MIA2: variants seen among roughly 807,000 people sequenced by gnomAD.
The protein encoded by MIA2 is melanoma inhibitory activity protein 2.
Under a neutral mutation model 167.8 loss-of-function variants are expected in MIA2, and 127 were observed. The ratio of observed to expected loss-of-function variants is 0.76; its 90% CI spans 0.66 to 0.88. The LOEUF is 0.88. MIA2 is among the 40% of genes least tolerant of loss of function. The pLI, the probability that MIA2 is intolerant of heterozygous loss-of-function variation, is 0.00. For synonymous variants in MIA2, 552 were observed against 541.9 expected (o/e 1.02, Z -0.26); for missense variants, 1,690 against 1,624.7 (o/e 1.04, Z -0.69).
At position 39,283,582 on chromosome 14, in the gene MIA2, G is replaced by T. The variant is rs567472499; in HGVS notation, c.2130+4045G>T. Among the ~76,000 whole-genome samples the T allele has an allele frequency of 2.5e-4, 38 of 152,272 alleles. No homozygotes were observed. The South Asian group carries it at 7.7e-3, about 31-fold the overall frequency. ...AACTTTTAAGTTCAGGGGTACAAGTGCACATTTGTTACATAGGTAAACTTG... is the reference window on the plus strand; with the variant it reads ...AACTTTTAAGTTCAGGGGTACAAGTTCACATTTGTTACATAGGTAAACTTG... On this transcript the variant is annotated intron_variant, in intron 9 of 28. Transcript: ENST00000640607.
Position 39,299,944 on chromosome 14 carries a change from A to G in MIA2, c.2577A>G (p.Val859=). The G allele has an allele frequency of 1.9e-6, 3 of 1,609,122 alleles. No individual in the cohort carries two copies. In the South Asian group the frequency reaches 3.3e-5, roughly 18 times the overall value. The part of the protein sequence containing the change: ...KQKVTFEDSK[V]HAEQVLNDKE... ...AAGTAACATTTGAAGACTCCAAAGT[A>G]CATGCAGAACAAGTTCTAAATGATA... is the stretch of plus-strand genomic sequence containing the variant. The change falls in exon 14 of 29, where the codon GTA becomes GTG. Residue 859 remains valine, a synonymous_variant. Transcript: ENST00000640607.
rs2058084158 is a variant in MIA2, at chr14:39,276,926, T to C, written c.1888-8T>C. The C allele has an allele frequency of 1.9e-6, 3 of 1,606,354 alleles. No homozygotes were observed. Among genetic ancestry groups the C allele is most frequent in the East Asian group, 4.5e-5 (2 of 44,842 alleles). Reference sequence around the variant, plus strand: ...ATTTTTAAGAACTTACTTTTCTTTATCTTGAAGGTTGTGGCAGCACTGCCT... The same window carrying C: ...ATTTTTAAGAACTTACTTTTCTTTACCTTGAAGGTTGTGGCAGCACTGCCT... On this transcript the variant is annotated splice_polypyrimidine_tract_variant and splice_region_variant and intron_variant, in intron 6 of 28. Coordinates refer to ENST00000640607, the MANE Select transcript of MIA2 (RefSeq NM_001329214.4).
At position 39,291,053 on chromosome 14, in the gene MIA2, A is replaced by T; in HGVS notation, c.2165A>T (p.Asp722Val). The change falls in exon 10 of 29, where the codon GAT (aspartate) becomes GTT (valine). Residue 722 changes from aspartate (D) to valine (V), a missense_variant. By Grantham distance (152) the Asp-to-Val change is radical. Transcript: ENST00000640607. ...EGYEVESSLK[D>V]ASFEKEATEA... ...TATGAAGTAGAGTCATCTTTAAAGG[A>T]TGCCAGCTTTGAGAAGGAGGCAACA... 1 of 1,608,176 alleles carries T rather than the reference A, an allele frequency of 6.2e-7. No homozygotes were observed. The highest frequency in any genetic ancestry group is 8.5e-7 in the Non-Finnish European group (1 of 1,178,020).
chr14:39,324,613 TA>T (rs1347834661), intron 24 of MIA2, among the ~76,000 whole-genome samples: 1 of 151,656 alleles, frequency 6.6e-6, no homozygotes, highest in Non-Finnish European at 1.5e-5. Context: ...CTTTTTTTTT[TA>T]TTTTTTTTTT....
At chr14:39,267,653 C>A in intron 6 of MIA2, 1 of 1,075,522 alleles carries the variant, frequency 9.3e-7, no homozygotes, top group South Asian at 1.5e-5. Context: ...TCGTCTGCTG[C>A]CCGGCTCCCG....
At chr14:39,260,719 T>A (rs574540950) in intron 6 of MIA2, among the ~76,000 whole-genome samples, 1 of 152,174 alleles carries the variant, frequency 6.6e-6, no homozygotes, top group Non-Finnish European at 1.5e-5. Flanking sequence ...TAATTAGATC[T>A]CATTTGTCAA....
rs1282457555 is a variant in MIA2, at chr14:39,308,477, A to G, written c.2907A>G (p.Gln969=). ...TEHIKNLQTE[Q]ASLQSENTHF... ...ATATTAAAAATCTTCAGACTGAACA[A>G]GCATCTTTGCAGTCAGAAAACACAC... Residue 969 remains glutamine (Q), a synonymous_variant, in exon 18 of 29, where the codon CAA becomes CAG. Coordinates refer to ENST00000640607, the MANE Select transcript of MIA2 (RefSeq NM_001329214.4). The G allele has an allele frequency of 1.3e-6, 2 of 1,554,648 alleles. No individual in the cohort carries two copies. Among genetic ancestry groups the G allele is most frequent in the Non-Finnish European group, 8.7e-7 (1 of 1,146,174 alleles).
intron 15 of MIA2, among the ~76,000 whole-genome samples, 189 bp from the exon 16 acceptor site, chr14:39,303,289 C>T (rs190637164): frequency 6.6e-6 from 1 of 152,124 alleles, no homozygotes; most frequent in African/African-American, 2.4e-5. Context: ...TATGACACTT[C>T]AGTGCTTTTA....
At position 39,311,466 on chromosome 14, in the gene MIA2, C is replaced by CTT. The variant is rs35478238; in HGVS notation, c.3018-1849_3018-1848dup. ...TAGGACCTAGAAGCTTGATGTGTTG[C>CTT]TTTTTTTTTTTTTTTTTTTTTTTTT... On this transcript the variant is annotated intron_variant, in intron 18 of 28. Coordinates refer to ENST00000640607, the MANE Select transcript of MIA2 (RefSeq NM_001329214.4). 3.9e-4 allele frequency among the ~76,000 whole-genome samples: 17 copies of CTT among 43,340 alleles called. 2 individuals are homozygous for CTT. Among genetic ancestry groups the CTT allele is most frequent in the African/African-American group, 1.2e-3 (13 of 10,776 alleles). The allele number at this position is 43,340 out of a possible 152,430, so 28.4% of individuals were successfully genotyped here. A position where few individuals can be genotyped will look rare whatever the true frequency, so the allele number is the denominator to read the frequency against.
chr14:39,300,508 A>G (rs1245420545), intron 14 of MIA2, among the ~76,000 whole-genome samples: 2 of 151,906 alleles, frequency 1.3e-5, no homozygotes, highest in African/African-American at 2.4e-5. Flanking sequence ...ACAGATACTC[A>G]AGTGTATCAA....
At chr14:39,337,156 A>G (rs2070620080) in intron 25 of MIA2, among the ~76,000 whole-genome samples, 1 of 152,240 alleles carries the variant, frequency 6.6e-6, no homozygotes, top group African/African-American at 2.4e-5. Context: ...CGAATATAAT[A>G]GTATAAGTAG....
intron 21 of MIA2, 142 bp from the exon 22 acceptor site, chr14:39,317,802 A>G: frequency 8.4e-6 from 4 of 478,696 alleles, no homozygotes; most frequent in Admixed American, 4.1e-5. Context: ...ACTTTTTCTT[A>G]CTTCAGTGAT....
At chr14:39,254,909 T>A (rs1462681510) in intron 6 of MIA2, among the ~76,000 whole-genome samples, 1 of 152,198 alleles carries the variant, frequency 6.6e-6, no homozygotes, top group Admixed American at 6.5e-5. Context: ...TTGGATTTAA[T>A]GACTGACTGA....
At chr14:39,267,122 C>G (rs925108540) in intron 6 of MIA2, 33 of 1,138,760 alleles carry the variant, frequency 2.9e-5, no homozygotes, top group African/African-American at 3.3e-5. Context: ...TGCGGCTGTC[C>G]GCGCCTCCCC....
At chr14:39,322,455 T>TG (rs2066628273) in intron 24 of MIA2, among the ~76,000 whole-genome samples, 1 of 150,860 alleles carries the variant, frequency 6.6e-6, no homozygotes, top group Admixed American at 6.6e-5. Context: ...GCAGGAGAAT[T>TG]GCTTGAACCC....
chr14:39,321,261 A>G (rs1457735213), intron 24 of MIA2, among the ~76,000 whole-genome samples: 1 of 152,176 alleles, frequency 6.6e-6, no homozygotes, highest in East Asian at 1.9e-4. Flanking sequence ...TATATTAGAT[A>G]ACATTTTGAT....
chr14:39,248,000 G>C lies in MIA2; in HGVS notation c.1426G>C (p.Glu476Gln). The C allele has an allele frequency of 6.3e-7, 1 of 1,578,132 alleles. No individual in the cohort carries two copies. The highest frequency in any genetic ancestry group is 8.5e-7 in the Non-Finnish European group (1 of 1,170,814). Reference protein sequence around the residue: ...NPWNFQNIPKETELPFPKQIL... With the variant: ...NPWNFQNIPKQTELPFPKQIL... ...TTGGAACTTCCAGAACATTCCAAAG[G>C]AAACAGAATTGCCATTTCCCAAACA... is the stretch of plus-strand genomic sequence containing the variant. The change falls in exon 4 of 29, where the codon GAA becomes CAA. Residue 476 changes from glutamate (E) to glutamine (Q), a missense_variant. Coordinates refer to ENST00000640607, the MANE Select transcript of MIA2 (RefSeq NM_001329214.4).
Position 39,358,404 on chromosome 14 carries a change from C to G in MIA2, c.2248+9427C>G, listed in dbSNP as rs549898021. On this transcript the variant is annotated intron_variant, in intron 23 of 23. Coordinates refer to the MIA2 transcript ENST00000341502. Reference sequence around the variant, plus strand: ...CTTGTGCCATGGTGTTCAGTTCCATCAGGTCCTTTAGGGATTTCTCTGCAT... The same window carrying G: ...CTTGTGCCATGGTGTTCAGTTCCATGAGGTCCTTTAGGGATTTCTCTGCAT... Among the ~76,000 whole-genome samples, 3 of 152,336 alleles carry G rather than the reference C, an allele frequency of 2.0e-5. No homozygotes were observed. In the East Asian group the frequency reaches 5.8e-4, roughly 29 times the overall value.
chr14:39,305,902 C>T (rs1385525432), intron 17 of MIA2, among the ~76,000 whole-genome samples: 3 of 149,398 alleles, frequency 2.0e-5, no homozygotes, highest in East Asian at 3.9e-4. Flanking sequence ...CACCACTGCA[C>T]TCCAGCCTAG....
Sources: allele counts gnomAD v4.1 joint callset (sites outside exome capture counted in the v4.1 genomes callset), GRCh38; gene constraint gnomAD v4.1.1; transcripts MANE v1.5; gene names NCBI Gene and HGNC (gene_info 2026-07-23, HGNC 2026-07-21).